The following PARVA variants were observed in gnomAD, a reference collection of about 807,000 sequenced individuals.
PARVA encodes parvin alpha, also known as alpha-parvin.
PARVA carries 25 observed loss-of-function variants against 52.6 expected under a neutral mutation model. The observed-to-expected ratio is 0.48, with a 90% confidence interval of 0.35 to 0.66. PARVA has a LOEUF of 0.66. Among genes scored for constraint, PARVA ranks in the 30% least tolerant of loss-of-function variants. The pLI, the probability that PARVA is intolerant of heterozygous loss-of-function variation, is 0.01. For synonymous variants in PARVA, 185 were observed against 179.1 expected, an observed-to-expected ratio of 1.03 and a Z score of -0.26; for missense variants, 373 against 450.9, an observed-to-expected ratio of 0.83 and a Z score of 1.56.
intron 1 of PARVA, among the ~76,000 whole-genome samples, chr11:12,402,216 A>G (rs1487471070): frequency 6.6e-6 from 1 of 152,204 alleles, no homozygotes; most frequent in Non-Finnish European, 1.5e-5. Flanking sequence ...AGGGGACAGG[A>G]TATTGACCAG....
chr11:12,484,696 C>T (rs1941134670), intron 4 of PARVA, among the ~76,000 whole-genome samples: 1 of 151,726 alleles, frequency 6.6e-6, no homozygotes, highest in Non-Finnish European at 1.5e-5. Context: ...GTGTCATATG[C>T]TGTCTTGTGG....
At chr11:12,446,997 T>C (rs928668301) in intron 1 of PARVA, among the ~76,000 whole-genome samples, 1 of 152,248 alleles carries the variant, frequency 6.6e-6, no homozygotes, top group Non-Finnish European at 1.5e-5. Flanking sequence ...GCCTGTGTTA[T>C]ATGCTTGGCT....
chr11:12,492,813 C>T (rs999349189), intron 4 of PARVA, among the ~76,000 whole-genome samples: 1 of 149,604 alleles, frequency 6.7e-6, no homozygotes, highest in Non-Finnish European at 1.5e-5. Context: ...TGTTTACCAG[C>T]AGTAATCAAT....
chr11:12,513,873 T>C (rs1941534847), intron 9 of PARVA, 124 bp from the exon 10 acceptor site: 1 of 837,380 alleles, frequency 1.2e-6, no homozygotes, highest in Non-Finnish European at 1.9e-6. Context: ...GGCCCAGGGC[T>C]CTTGGCTGGG....
intron 1 of PARVA, among the ~76,000 whole-genome samples, chr11:12,394,173 C>A (rs1939702415): frequency 6.6e-6 from 1 of 152,042 alleles, no homozygotes; most frequent in Non-Finnish European, 1.5e-5. Context: ...GTTCCACGTC[C>A]AAGGCCATAT....
At chr11:12,476,869 T>C (rs1423352590) in intron 3 of PARVA, among the ~76,000 whole-genome samples, 4 of 152,178 alleles carry the variant, frequency 2.6e-5, no homozygotes, top group African/African-American at 9.7e-5. Context: ...AAAGGCAGCA[T>C]ACTTATGCTA....
intron 1 of PARVA, among the ~76,000 whole-genome samples, chr11:12,420,604 T>C (rs1940134733): frequency 1.3e-5 from 2 of 152,194 alleles, no homozygotes; most frequent in Non-Finnish European, 2.9e-5. Flanking sequence ...GTAAGGATTG[T>C]CCTTTAGGCT....
chr11:12,467,801 A>G (rs536070084), intron 1 of PARVA, among the ~76,000 whole-genome samples: 1 of 152,304 alleles, frequency 6.6e-6, no homozygotes, highest in South Asian at 2.1e-4. Context: ...CTCTCTCAGA[A>G]TGGTTTTTTG....
At chr11:12,460,068 T>C (rs1332596089) in intron 1 of PARVA, among the ~76,000 whole-genome samples, 2 of 152,226 alleles carry the variant, frequency 1.3e-5, no homozygotes, top group Non-Finnish European at 1.5e-5. Context: ...GTGACTGTGT[T>C]CCCATGCCTT....
rs1469412845 is a variant in PARVA at position 12,513,147 on chromosome 11, T to C, written c.737-152T>C. 4.4e-5 allele frequency: 33 copies of C among 757,986 alleles called. No homozygotes were observed. The Admixed American group carries it at 5.4e-4, about 12-fold the overall frequency. 47.0% of individuals were successfully genotyped at this position (757,986 alleles called of 1,614,324 possible). A position where few individuals can be genotyped will look rare whatever the true frequency, so the allele number is the denominator to read the frequency against. Reference sequence around the variant, plus strand: ...CCCCAAATCTTAGCCCCAAATCACATTCCAGAGTTCCCGGCACAGTCTATA... The same window carrying C: ...CCCCAAATCTTAGCCCCAAATCACACTCCAGAGTTCCCGGCACAGTCTATA... On this transcript the variant is annotated intron_variant, in intron 8 of 12. Transcript: ENST00000334956.
At chr11:12,396,717 G>C (rs1565326675) in intron 1 of PARVA, among the ~76,000 whole-genome samples, 1 of 152,196 alleles carries the variant, frequency 6.6e-6, no homozygotes, top group African/African-American at 2.4e-5. Context: ...CGTTTAACCA[G>C]TTGGTATTAT....
intron 1 of PARVA, among the ~76,000 whole-genome samples, chr11:12,412,224 G>A (rs1336138544): frequency 6.6e-6 from 1 of 152,184 alleles, no homozygotes; most frequent in Non-Finnish European, 1.5e-5. Context: ...TATTCCTCAT[G>A]TCCAGCGTGA....
At chr11:12,433,011 T>G (rs1379780655) in intron 1 of PARVA, among the ~76,000 whole-genome samples, 2 of 152,224 alleles carry the variant, frequency 1.3e-5, no homozygotes, top group Admixed American at 1.3e-4. Context: ...TAAATTGAAT[T>G]GTTTTGAATC....
At chr11:12,517,790 C>G (rs1323663241) in intron 11 of PARVA, 79 bp downstream of exon 11, 2 of 1,012,356 alleles carry the variant, frequency 2.0e-6, no homozygotes, top group East Asian at 5.2e-5. Context: ...CTGGGGCTAT[C>G]CAGAAAAAAG....
In PARVA at chr11:12,529,488, T is replaced by C. The variant is rs1047846839; in HGVS notation, c.*1563T>C. ...CAATTGTGCTGATATTACATCTCGT[T>C]ATGGAATGTTCCTAAATATGCCAGG... On this transcript the variant is annotated 3_prime_UTR_variant, in exon 13 of 13. Coordinates refer to ENST00000334956, the MANE Select transcript of PARVA (RefSeq NM_018222.5). 1 of 152,214 alleles carries C rather than the reference T, an allele frequency of 6.6e-6. No homozygotes were observed. Among genetic ancestry groups the C allele is most frequent in the South Asian group, 2.1e-4 (1 of 4,826 alleles). The allele number at this position is 152,214 out of a possible 1,614,324, so 9.4% of individuals were successfully genotyped here.
intron 1 of PARVA, among the ~76,000 whole-genome samples, chr11:12,422,040 A>G (rs1397267930): frequency 6.6e-6 from 1 of 152,228 alleles, no homozygotes; most frequent in Non-Finnish European, 1.5e-5. Context: ...ACTTTGATTC[A>G]TAGTCATCAT....
chr11:12,452,585 A>T (rs998884421), intron 1 of PARVA: 1 of 156,086 alleles, frequency 6.4e-6, no homozygotes, highest in Non-Finnish European at 1.4e-5. Context: ...GAGTCAGCTA[A>T]GAAATTTCAG....
intron 11 of PARVA, among the ~76,000 whole-genome samples, chr11:12,517,975 G>T (rs1258741592): frequency 1.3e-5 from 2 of 152,148 alleles, no homozygotes; most frequent in African/African-American, 4.8e-5. Context: ...CCCCAGCCCA[G>T]CCTCCTCTCT....
At chr11:12,477,647 T>G (rs1018619308) in intron 3 of PARVA, among the ~76,000 whole-genome samples, 200 bp from the exon 4 acceptor site, 1 of 151,842 alleles carries the variant, frequency 6.6e-6, no homozygotes, top group Non-Finnish European at 1.5e-5. Flanking sequence ...ATGCAGGAGG[T>G]TGAGGCAGGA....
Sources: gnomAD v4.1 joint callset for allele counts (sites outside exome capture counted in the v4.1 genomes callset) on GRCh38, gnomAD v4.1.1 for gene constraint, MANE v1.5 for transcripts, NCBI Gene and HGNC (gene_info 2026-07-23, HGNC 2026-07-21) for gene names.